AGL: variants seen among roughly 807,000 people sequenced by gnomAD.
AGL encodes the protein glycogen debranching enzyme.
Under a neutral mutation model 199.3 loss-of-function variants are expected in AGL, and 128 were observed. The observed-to-expected ratio is 0.64, with a 90% CI of 0.56 to 0.74. AGL has a LOEUF of 0.74. Among genes scored for constraint, AGL ranks in the 30% least tolerant of loss-of-function variants. AGL has a pLI of 0.00. For synonymous variants in AGL, 584 were observed against 594.7 expected (o/e 0.98, Z 0.26); for missense variants, 1,809 against 1,820.8 (o/e 0.99, Z 0.12).
chr1:99,901,027 G>T (rs1653797210), intron 26 of AGL, among the ~76,000 whole-genome samples, 166 bp downstream of exon 26: 1 of 151,620 alleles, frequency 6.6e-6, no homozygotes, highest in Non-Finnish European at 1.5e-5. Context: ...ATTGGTCTTT[G>T]CCTGAAGAAC....
intron 2 of AGL, among the ~76,000 whole-genome samples, chr1:99,856,915 C>T (rs937986970): frequency 5.9e-5 from 9 of 152,356 alleles, no homozygotes; most frequent in East Asian, 1.9e-4. Context: ...TCCACAAAAC[C>T]GCCGTCGTCA....
chr1:99,910,878 A>G lies in AGL; in HGVS notation c.3836+31A>G, dbSNP rs182287523. On this transcript the variant is annotated intron_variant, in intron 28 of 33. Coordinates refer to ENST00000361915, the MANE Select transcript of AGL (RefSeq NM_000642.3). ...GTAAATGTTATAATGCTGTGTAATT[A>G]TACCCTTCTTTAAGAAAGCACTTAC... The G allele has an allele frequency of 3.7e-6, 6 of 1,603,578 alleles. No individual in the cohort carries two copies. In the Admixed American group the frequency reaches 5.0e-5, roughly 13 times the overall value.
rs772358669 is a variant in AGL at position 99,921,672 on chromosome 1, T to G, written c.*21T>G. On this transcript the variant is annotated 3_prime_UTR_variant, in exon 34 of 34. Transcript: ENST00000361915. ...TATAGTTTATTACAGATATTAAGTA[T>G]GCAATTACTTGTATTATAGGATGCA... 4.0e-6 allele frequency: 6 copies of G among 1,515,152 alleles called. No individual in the cohort carries two copies. In the South Asian group the frequency reaches 6.7e-5, roughly 17 times the overall value. 93.9% of individuals were successfully genotyped at this position (1,515,152 alleles called of 1,614,324 possible).
Position 99,912,422 on chromosome 1 carries a change from A to C in AGL, c.3854A>C (p.Glu1285Ala), listed in dbSNP as rs1164292216. 2.5e-6 allele frequency: 4 copies of C among 1,613,870 alleles called. No individual in the cohort carries two copies. The highest frequency in any genetic ancestry group is 1.3e-5 in the African/African-American group (1 of 74,928). ...PATPRDGSAV[E>A]IVGLSKSAVR... ...AATTTTAGAGATGGGTCTGCTGTGG[A>C]AATTGTGGGCCTGAGTAAATCTGCT... The change falls in exon 29 of 34, where the codon GAA becomes GCA. Residue 1285 changes from glutamate (E) to alanine (A), a missense_variant. Glu to Ala is a moderately radical substitution (Grantham distance 107). Coordinates refer to ENST00000361915, the MANE Select transcript of AGL (RefSeq NM_000642.3).
Position 99,851,049 on chromosome 1 carries a change from C to T in AGL, c.7C>T (p.His3Tyr). 6.2e-7 allele frequency: 1 copy of T among 1,613,754 alleles called. No homozygotes were observed. The highest frequency in any genetic ancestry group is 8.5e-7 in the Non-Finnish European group (1 of 1,179,702). ...AAATCCTCTAGAAGCCAAAATGGGACACAGTAAACAGATTCGAATTTTACT... is the reference window on the plus strand; with the variant it reads ...AAATCCTCTAGAAGCCAAAATGGGATACAGTAAACAGATTCGAATTTTACT... Reference protein sequence around the residue: MGHSKQIRILLLN... With the variant: MGYSKQIRILLLN... The change falls in exon 2 of 34, where the codon CAC becomes TAC. Residue 3 changes from histidine to tyrosine, a missense_variant. His to Tyr is a moderately conservative substitution (Grantham distance 83). Transcript: ENST00000361915.
In AGL at chr1:99,861,581, G is replaced by A. The variant is rs1266947418; in HGVS notation, c.161G>A (p.Gly54Glu). 1.2e-6 allele frequency: 2 copies of A among 1,613,922 alleles called. No individual in the cohort carries two copies. The highest frequency in any genetic ancestry group is 1.7e-6 in the Non-Finnish European group (2 of 1,179,932). ...VTVYTNYPFPGETFNREKFRS... is the reference protein window; with the variant it reads ...VTVYTNYPFPEETFNREKFRS... ...GTGTATACAAATTACCCATTTCCTG[G>A]AGAAACATTTAATAGAGAAAAATTC... Residue 54 changes from glycine (G) to glutamate (E), a missense_variant, in exon 3 of 34, where the codon GGA becomes GAA. By Grantham distance (98) the Gly-to-Glu change is moderately conservative. Coordinates refer to ENST00000361915, the MANE Select transcript of AGL (RefSeq NM_000642.3).
At chr1:99,873,824 G>A (rs886488698) in intron 7 of AGL, among the ~76,000 whole-genome samples, 1 of 152,118 alleles carries the variant, frequency 6.6e-6, no homozygotes, top group East Asian at 1.9e-4. Flanking sequence ...TGAGGCTAAC[G>A]TGAATAACCA....
At chr1:99,910,073 T>C (rs1654624905) in intron 27 of AGL, among the ~76,000 whole-genome samples, 1 of 152,212 alleles carries the variant, frequency 6.6e-6, no homozygotes, top group Non-Finnish European at 1.5e-5. Context: ...TTTTATTCAA[T>C]CATTTTGTTT....
At position 99,922,713 on chromosome 1, in the gene AGL, T is replaced by C. The variant is rs1655595357; in HGVS notation, c.*1062T>C. ...ACATTTTTTCATAGAACTTATTTCC[T>C]AGATAGAATTTTTTACTGTTTTTTA... is the stretch of plus-strand genomic sequence containing the variant. On this transcript the variant is annotated 3_prime_UTR_variant, in exon 34 of 34. Transcript: ENST00000361915. 2 of 152,158 alleles carry C rather than the reference T, an allele frequency of 1.3e-5. No homozygotes were observed. Among genetic ancestry groups the C allele is most frequent in the Middle Eastern group, 6.9e-3 (2 of 290 alleles). 9.4% of individuals were successfully genotyped at this position (152,158 alleles called of 1,614,324 possible). A position where few individuals can be genotyped will look rare whatever the true frequency, so the allele number is the denominator to read the frequency against.
chr1:99,875,303 A>AT (rs1337326723), intron 9 of AGL, 47 bp downstream of exon 9: 3 of 1,611,890 alleles, frequency 1.9e-6, no homozygotes, highest in Non-Finnish European at 2.5e-6. Context: ...TCTTACTACT[A>AT]TTTTTTTGTT....
rs369669120 is a variant in AGL, at chr1:99,887,944, C to T, written c.2682-34C>T. On this transcript the variant is annotated intron_variant, in intron 20 of 33. Transcript: ENST00000361915. ...TTTCTATTGACAACAAGCGAAACTT[C>T]AATATATGGTTATCTTTATTTTCCA... 3 of 1,610,712 alleles carry T rather than the reference C, an allele frequency of 1.9e-6. No individual in the cohort carries two copies. In the African/African-American group the frequency reaches 4.0e-5, roughly 22 times the overall value.
At chr1:99,906,213 A>G (rs534590156) in intron 27 of AGL, among the ~76,000 whole-genome samples, 2 of 152,244 alleles carry the variant, frequency 1.3e-5, no homozygotes, top group South Asian at 4.2e-4. Flanking sequence ...GGGACCTCAT[A>G]TAAGCGGAAT....
At position 99,902,798 on chromosome 1, in the gene AGL, C is replaced by A; in HGVS notation, c.3700+4C>A. The A allele has an allele frequency of 6.2e-7, 1 of 1,602,032 alleles. No homozygotes were observed. The highest frequency in any genetic ancestry group is 8.5e-7 in the Non-Finnish European group (1 of 1,169,674). On this transcript the variant is annotated splice_donor_region_variant and intron_variant, in intron 27 of 33. Coordinates refer to ENST00000361915, the MANE Select transcript of AGL (RefSeq NM_000642.3). ...GATCGAAACATGAAGGACGAAGGTA[C>A]AGAACTTTAACTAAAATAGTACAAA...
intron 2 of AGL, among the ~76,000 whole-genome samples, chr1:99,857,079 C>A (rs4307591): frequency 2.0e-5 from 3 of 149,924 alleles, no homozygotes; most frequent in Non-Finnish European, 3.0e-5. Context: ...CTGACCCCCC[C>A]ACCTCCCTCC....
chr1:99,859,860 T>G (rs1219926361), intron 2 of AGL, among the ~76,000 whole-genome samples: 1 of 152,246 alleles, frequency 6.6e-6, no homozygotes, highest in East Asian at 1.9e-4. Context: ...TTTGATAACA[T>G]GATTTATAAT....
intron 7 of AGL, among the ~76,000 whole-genome samples, chr1:99,872,385 T>C (rs546837708): frequency 2.0e-5 from 3 of 152,192 alleles, no homozygotes; most frequent in Admixed American, 6.5e-5. Flanking sequence ...CATGGAATTA[T>C]TGAGTCAAAG....
At chr1:99,868,492 A>G (rs2101106549) in intron 5 of AGL, among the ~76,000 whole-genome samples, 1 of 152,124 alleles carries the variant, frequency 6.6e-6, no homozygotes, top group South Asian at 2.1e-4. Flanking sequence ...GGCGCCTGTA[A>G]TCCCAGCTAC....
intron 5 of AGL, 112 bp downstream of exon 5, chr1:99,864,701 T>C: frequency 1.1e-6 from 1 of 951,616 alleles, no homozygotes; most frequent in Non-Finnish European, 1.6e-6. Context: ...GGGGCTAACA[T>C]AAATTTTAAA....
chr1:99,871,750 G>A (rs1000369837), intron 7 of AGL, among the ~76,000 whole-genome samples: 1 of 151,880 alleles, frequency 6.6e-6, no homozygotes, highest in Non-Finnish European at 1.5e-5. Flanking sequence ...TTACTAAAGG[G>A]CCTCTATCTT....
Sources: gnomAD v4.1 joint callset for allele counts (sites outside exome capture counted in the v4.1 genomes callset) on GRCh38, gnomAD v4.1.1 for gene constraint, MANE v1.5 for transcripts, NCBI Gene and HGNC (gene_info 2026-07-23, HGNC 2026-07-21) for gene names.